The following CUL9 variants were observed in gnomAD, a reference collection of about 807,000 sequenced individuals.
CUL9 encodes cullin 9.
CUL9 carries 79 observed loss-of-function variants against 272.6 expected under a neutral mutation model. That is an observed-to-expected ratio of 0.29 (90% CI 0.24 to 0.35). The LOEUF is 0.35. CUL9 is among the 10% of genes least tolerant of loss of function. The probability of loss-of-function intolerance (pLI) is 1.00; values close to 1 mark genes in which losing one functional copy is unlikely to be tolerated. For missense variants in CUL9, 2,532 were observed against 3,255.6 expected, an observed-to-expected ratio of 0.78 and a Z score of 5.41; for synonymous variants, 1,186 against 1,286.5, an observed-to-expected ratio of 0.92 and a Z score of 1.67.
rs1232762673 is a variant in CUL9 at position 43,221,815 on chromosome 6, G to C, written c.6846+37G>C. 24 of 1,577,190 alleles carry C rather than the reference G, an allele frequency of 1.5e-5. No individual in the cohort carries two copies. Among genetic ancestry groups the C allele is most frequent in the Non-Finnish European group, 2.0e-5 (23 of 1,155,762 alleles). Reference sequence around the variant, plus strand: ...GGCACTAGGGGAGGGCAGAGGCCCAGAGCCGTCGGGGAGGGGTGCTGCTAC... The same window carrying C: ...GGCACTAGGGGAGGGCAGAGGCCCACAGCCGTCGGGGAGGGGTGCTGCTAC... On this transcript the variant is annotated intron_variant, in intron 35 of 40. Coordinates refer to ENST00000252050, the MANE Select transcript of CUL9 (RefSeq NM_015089.4). The surrounding 1 kb of genome is among the most constrained non-coding windows in gnomAD (Gnocchi z 4.2).
intron 3 of CUL9, 101 bp from the exon 4 acceptor site, chr6:43,185,854 G>A (rs747653421): frequency 2.1e-6 from 3 of 1,435,198 alleles, no homozygotes; most frequent in Admixed American, 2.3e-5. Context: ...CAGGCCTGGG[G>A]AGAAGGCCTT....
At chr6:43,207,047 T>C (rs139166573) in intron 26 of CUL9, among the ~76,000 whole-genome samples, 10,085 of 152,292 alleles carry the variant, frequency 0.066, 422 homozygotes, top group Admixed American at 0.094. Context: ...TTTCACCATG[T>C]TAACCAGGCT....
chr6:43,206,752 C>T lies in CUL9; in HGVS notation c.5212+242C>T, dbSNP rs1467343631. On this transcript the variant is annotated intron_variant, in intron 26 of 40. Transcript: ENST00000252050. This position sits in a 1 kb window ranked among gnomAD's most constrained non-coding sequence, Gnocchi z 4.8. ...GTGAGGTGCTTATTTGATTTTTAGT[C>T]TTTTCAGACTTTTTTCCAAATAAAA... Among the ~76,000 whole-genome samples, 1 of 152,158 alleles carries T rather than the reference C, an allele frequency of 6.6e-6. No homozygotes were observed. Among genetic ancestry groups the T allele is most frequent in the African/African-American group, 2.4e-5 (1 of 41,438 alleles).
Position 43,215,167 on chromosome 6 carries a change from TC to T in CUL9, c.5779del (p.Leu1927SerfsTer8). 1.2e-6 allele frequency: 2 copies of T among 1,614,188 alleles called. No individual in the cohort carries two copies. Among genetic ancestry groups the T allele is most frequent in the Non-Finnish European group, 1.7e-6 (2 of 1,180,024 alleles). On this transcript the variant is annotated frameshift_variant, in exon 30 of 41. Transcript: ENST00000252050. LOFTEE classifies it high-confidence loss of function. ...GGTGTGGCCTGTACCAGTACAGATGTCCTCTCTTGCATCCTGCACCTCTTAG... is the reference window on the plus strand; with the variant it reads ...GGTGTGGCCTGTACCAGTACAGATGTCTCTCTTGCATCCTGCACCTCTTAG... ...AGGVACTSTD[V>X]LSCILHLLGQ... is the part of the protein sequence containing the mutation.
Position 43,223,014 on chromosome 6 carries a change from A to G in CUL9, c.7150+118A>G, listed in dbSNP as rs1355460508. On this transcript the variant is annotated intron_variant, in intron 38 of 40. Transcript: ENST00000252050. This position sits in a 1 kb window ranked among gnomAD's most constrained non-coding sequence, Gnocchi z 4.1. Reference sequence around the variant, plus strand: ...CCTTCCCTCTCTCCTCTTCCTCTTCATTCTTCATGGCCTTCTCACTGCCTG... The same window carrying G: ...CCTTCCCTCTCTCCTCTTCCTCTTCGTTCTTCATGGCCTTCTCACTGCCTG... 3 of 952,904 alleles carry G rather than the reference A, an allele frequency of 3.1e-6. No homozygotes were observed. The East Asian group carries it at 7.3e-5, about 23-fold the overall frequency. 59.0% of individuals were successfully genotyped at this position (952,904 alleles called of 1,614,324 possible).
rs753608953 is a variant in CUL9, at chr6:43,187,837, A to G, written c.1706A>G (p.Tyr569Cys). The G allele has an allele frequency of 5.6e-6, 9 of 1,613,910 alleles. No homozygotes were observed. The African/African-American group carries it at 8.0e-5, about 14-fold the overall frequency. The change falls in exon 7 of 41, where the codon TAC (tyrosine) becomes TGC (cysteine). Residue 569 changes from tyrosine to cysteine, a missense_variant. Physicochemically the swap from Tyr to Cys is radical, Grantham distance 194 (BLOSUM62 -2). This residue lies in a region of CUL9 where 2,218 missense variants were observed against 2,788.6 expected (regional missense o/e 0.80). Transcript: ENST00000252050. Reference sequence around the variant, plus strand: ...AATGACCTGCTCAACTCCCAGATCTACACCAAGTATGGGCTGCTGTCTAAT... The same window carrying G: ...AATGACCTGCTCAACTCCCAGATCTGCACCAAGTATGGGCTGCTGTCTAAT... The part of the protein sequence containing the change: ...TLNDLLNSQI[Y>C]TKYGLLSNEP...
chr6:43,191,709 T>C (rs953820437), intron 8 of CUL9, among the ~76,000 whole-genome samples: 3 of 151,462 alleles, frequency 2.0e-5, no homozygotes, highest in Admixed American at 1.3e-4. Flanking sequence ...CTCAGCCTCC[T>C]GAATAGCTGG....
intron 2 of CUL9, among the ~76,000 whole-genome samples, 156 bp from the exon 3 acceptor site, chr6:43,185,300 G>A (rs1048903840): frequency 6.6e-6 from 1 of 152,184 alleles, no homozygotes; most frequent in Non-Finnish European, 1.5e-5. Context: ...TTATATGTAT[G>A]TATGTTTGTA....
rs561866086 is a variant in CUL9, at chr6:43,185,285, T to G, written c.596-171T>G. Among the ~76,000 whole-genome samples, 8 of 152,350 alleles carry G rather than the reference T, an allele frequency of 5.3e-5. No homozygotes were observed. In the South Asian group the frequency reaches 6.2e-4, roughly 12 times the overall value. ...AAATTTTGTAGCATAAAATATATGT[T>G]TCAGTTATATGTATGTATGTTTGTA... On this transcript the variant is annotated intron_variant, in intron 2 of 40. Coordinates refer to ENST00000252050, the MANE Select transcript of CUL9 (RefSeq NM_015089.4).
Position 43,203,746 on chromosome 6 carries a change from G to A in CUL9, c.4026-108G>A, listed in dbSNP as rs1774823748. 6.6e-7 allele frequency: 1 copy of A among 1,521,328 alleles called. No individual in the cohort carries two copies. Among genetic ancestry groups the A allele is most frequent in the Admixed American group, 2.0e-5 (1 of 49,902 alleles). The allele number at this position is 1,521,328 out of a possible 1,614,324, so 94.2% of individuals were successfully genotyped here. ...GAGAAGTTTGTGTTAATTGGGAAAA[G>A]TTGGGTCAGGGACCGAACAGGGGTG... On this transcript the variant is annotated intron_variant, in intron 19 of 40. Transcript: ENST00000252050. The surrounding 1 kb of genome is among the most constrained non-coding windows in gnomAD (Gnocchi z 5.0).
rs1368190303 is a variant in CUL9, at chr6:43,215,184, C to T, written c.5794C>T (p.His1932Tyr). The change falls in exon 30 of 41, where the codon CAC (histidine) becomes TAC (tyrosine). Residue 1932 changes from histidine to tyrosine, a missense_variant. By Grantham distance (83) the His-to-Tyr change is moderately conservative. Transcript: ENST00000252050. ...TACAGATGTCCTCTCTTGCATCCTG[C>T]ACCTCTTAGGCCAGGGCTACGTGAA... ...TSTDVLSCIL[H>Y]LLGQGYVKRR... 7.4e-6 allele frequency: 12 copies of T among 1,614,244 alleles called. No individual in the cohort carries two copies. The highest frequency in any genetic ancestry group is 1.0e-5 in the Non-Finnish European group (12 of 1,180,052).
At position 43,192,059 on chromosome 6, in the gene CUL9, C is replaced by CTTTTT. The variant is rs777284621; in HGVS notation, c.2181-926_2181-922dup. On this transcript the variant is annotated intron_variant, in intron 8 of 40. Transcript: ENST00000252050. ...TAATAGGCAAGCCTACCCCTTTTCT[C>CTTTTT]TTTTTTTTTTTTTTTTTTTTGAGAC... Among the ~76,000 whole-genome samples the CTTTTT allele has an allele frequency of 6.2e-4, 73 of 118,610 alleles. 1 individual carries two copies. Among genetic ancestry groups the CTTTTT allele is most frequent in the African/African-American group, 2.0e-3 (58 of 28,938 alleles). 77.8% of individuals were successfully genotyped at this position (118,610 alleles called of 152,430 possible). A position where few individuals can be genotyped will look rare whatever the true frequency, so the allele number is the denominator to read the frequency against.
chr6:43,205,105 C>A lies in CUL9; in HGVS notation c.4622C>A (p.Thr1541Asn). The A allele has an allele frequency of 6.3e-7, 1 of 1,588,846 alleles. No individual in the cohort carries two copies. Among genetic ancestry groups the A allele is most frequent in the Non-Finnish European group, 8.6e-7 (1 of 1,166,132 alleles). The change falls in exon 23 of 41, where the codon ACT (threonine) becomes AAT (asparagine). Residue 1541 changes from threonine to asparagine, a missense_variant. Physicochemically the swap from Thr to Asn is moderately conservative, Grantham distance 65. Coordinates refer to ENST00000252050, the MANE Select transcript of CUL9 (RefSeq NM_015089.4). ...SGALLQQSFL[T>N]AAHMSEQFAR... is the part of the protein sequence containing the mutation. ...GCCTTGCTGCAGCAGTCCTTCCTCA[C>A]TGCTGCTCACGTGAGTCCCACCAGC...
chr6:43,213,749 G>C lies in CUL9; in HGVS notation c.5525G>C (p.Ser1842Thr), dbSNP rs760287984. 2 of 1,613,888 alleles carry C rather than the reference G, an allele frequency of 1.2e-6. No individual in the cohort carries two copies. The highest frequency in any genetic ancestry group is 1.7e-6 in the Non-Finnish European group (2 of 1,180,030). ...CTTCATGAGCCTGGGCCCCAGCGCA[G>C]TGGGGAGGCCCTGTGGCTGATACCT... ...LRLHEPGPQR[S>T]GEALWLIPPQ... Residue 1842 changes from serine (S) to threonine (T), a missense_variant, in exon 29 of 41, where the codon AGT becomes ACT. By Grantham distance (58) the Ser-to-Thr change is moderately conservative. Coordinates refer to ENST00000252050, the MANE Select transcript of CUL9 (RefSeq NM_015089.4). The surrounding 1 kb of genome is among the most constrained non-coding windows in gnomAD (Gnocchi z 5.7).
In CUL9 at chr6:43,186,076, G is replaced by A. The variant is rs147830394; in HGVS notation, c.872G>A (p.Arg291Lys). The A allele has an allele frequency of 4.0e-4, 647 of 1,614,134 alleles. No individual in the cohort carries two copies. The highest frequency in any genetic ancestry group is 5.0e-4 in the Non-Finnish European group (591 of 1,180,050). The change falls in exon 4 of 41, where the codon AGA becomes AAA. Residue 291 changes from arginine to lysine, a missense_variant. Arg to Lys is a conservative substitution (Grantham distance 26). Coordinates refer to ENST00000252050, the MANE Select transcript of CUL9 (RefSeq NM_015089.4). ...GACCAAAGCTCCCCATGTGCCACAA[G>A]AGAGAAAAGCCGGGGACAGCGGGAA... ...AGDQSSPCATREKSRGQRELE... is the reference protein window; with the variant it reads ...AGDQSSPCATKEKSRGQRELE...
At position 43,196,364 on chromosome 6, in the gene CUL9, G is replaced by C. The variant is rs540417298; in HGVS notation, c.2585+99G>C. 3 of 1,201,090 alleles carry C rather than the reference G, an allele frequency of 2.5e-6. No homozygotes were observed. The African/African-American group carries it at 4.6e-5, about 18-fold the overall frequency. The allele number at this position is 1,201,090 out of a possible 1,614,324, so 74.4% of individuals were successfully genotyped here. Reference sequence around the variant, plus strand: ...TGTACTCCACAGAAATTCCCCTCACGCTGTCACCTCCGGATTAAGCATTGG... The same window carrying C: ...TGTACTCCACAGAAATTCCCCTCACCCTGTCACCTCCGGATTAAGCATTGG... On this transcript the variant is annotated intron_variant, in intron 10 of 40. Transcript: ENST00000252050.
rs9462873 is a variant in CUL9 at position 43,193,265 on chromosome 6, C to G, written c.2388+57C>G. ...ATGGGCAAGACAGGCAGACTGGGGA[C>G]TACTGATCTTGAGGGGGTACTTTGG... is the stretch of plus-strand genomic sequence containing the variant. On this transcript the variant is annotated intron_variant, in intron 9 of 40. Coordinates refer to ENST00000252050, the MANE Select transcript of CUL9 (RefSeq NM_015089.4). 20 of 1,522,632 alleles carry G rather than the reference C, an allele frequency of 1.3e-5. No individual in the cohort carries two copies. In the South Asian group the frequency reaches 2.3e-4, roughly 17 times the overall value. The allele number at this position is 1,522,632 out of a possible 1,614,324, so 94.3% of individuals were successfully genotyped here. A position where few individuals can be genotyped will look rare whatever the true frequency, so the allele number is the denominator to read the frequency against.
In CUL9 at chr6:43,186,339, G is replaced by A. The variant is rs751430285; in HGVS notation, c.1135G>A (p.Val379Met). The A allele has an allele frequency of 1.2e-6, 2 of 1,614,244 alleles. No individual in the cohort carries two copies. Among genetic ancestry groups the A allele is most frequent in the Non-Finnish European group, 8.5e-7 (1 of 1,180,034 alleles). ...CAGCCGTAGTGGCTATGGAGAATATGTGCAGCAGACACTGCAGCCAGGGAT... is the reference window on the plus strand; with the variant it reads ...CAGCCGTAGTGGCTATGGAGAATATATGCAGCAGACACTGCAGCCAGGGAT... ...FSSRSGYGEY[V>M]QQTLQPGMRV... Residue 379 changes from valine to methionine, a missense_variant, in exon 4 of 41, where the codon GTG becomes ATG. Around this residue, in one of 3 missense-constraint regions of CUL9, gnomAD observed 2,218 missense variants for 2,788.6 expected, o/e 0.80. Transcript: ENST00000252050.
Position 43,206,013 on chromosome 6 carries a change from T to C in CUL9, c.4800T>C (p.Tyr1600=), listed in dbSNP as rs1775017595. The change falls in exon 25 of 41, where the codon TAT becomes TAC. Residue 1600 remains tyrosine, a synonymous_variant. Coordinates refer to ENST00000252050, the MANE Select transcript of CUL9 (RefSeq NM_015089.4). The surrounding 1 kb of genome is among the most constrained non-coding windows in gnomAD (Gnocchi z 4.8). ...ATTFEHFYQH[Y]MADRLLSFGS... is the part of the protein sequence containing the mutation. ...CGGGCTGTGTGTGCTGCAGGCATTA[T>C]ATGGCGGACCGTCTCCTGAGCTTTG... The C allele has an allele frequency of 1.2e-6, 2 of 1,613,424 alleles. No individual in the cohort carries two copies. The highest frequency in any genetic ancestry group is 1.1e-5 in the South Asian group (1 of 91,070).
Sources: gnomAD v4.1 joint callset for allele counts (sites outside exome capture counted in the v4.1 genomes callset) on GRCh38, gnomAD v4.1.1 for gene constraint, gnomAD v4.1.1 regional missense constraint, Gnocchi (gnomAD v3.1) non-coding constraint, MANE v1.5 for transcripts, NCBI Gene and HGNC (gene_info 2026-07-23, HGNC 2026-07-21) for gene names.